XKRX: variants seen among roughly 807,000 people sequenced by gnomAD.
XKRX encodes XK related X-linked, also known as XK-related protein 2.
In XKRX, 11 loss-of-function variants were observed where a neutral mutation model predicts 22.4. The observed-to-expected ratio is 0.49, with a 90% CI of 0.31 to 0.81. The LOEUF is 0.81. Among genes scored for constraint, XKRX ranks in the 40% least tolerant of loss-of-function variants. XKRX has a pLI of 0.05. For synonymous variants in XKRX, 114 were observed against 132.2 expected (o/e 0.86, Z 0.94); for missense variants, 320 against 336.5 (o/e 0.95, Z 0.38).
chrX:100,887,610 T>G, the XKRX span: 1 of 654,101 alleles, frequency 1.5e-6, no homozygotes, highest in Non-Finnish European at 2.5e-6. Context: ...CTGGCTCTCC[T>G]CTCCTGCTAA....
At chrX:100,889,573 TG>T in the XKRX span, among the ~76,000 whole-genome samples, 1 of 110,469 alleles carries the variant, frequency 9.1e-6, no homozygotes, top group African/African-American at 3.3e-5. Flanking sequence ...AACATGCACA[TG>T]GGGAGAACAC....
chrX:100,887,593 C>T, the XKRX span: 3 of 602,699 alleles, frequency 5.0e-6, no homozygotes, highest in Admixed American at 4.8e-5. Flanking sequence ...GCTTCCCTGT[C>T]ACTTCTCTGG....
At chrX:100,932,075 G>C (rs1445704702), upstream of XKRX, among the ~76,000 whole-genome samples, 4 of 111,616 alleles carry the variant, frequency 3.6e-5, no homozygotes, top group Non-Finnish European at 5.6e-5. Context: ...GTATAGACCT[G>C]TAAAGTTCCT....
chrX:100,927,694 C>G (rs1388972433), intron 1 of XKRX, among the ~76,000 whole-genome samples: 1 of 111,597 alleles, frequency 9.0e-6, no homozygotes, highest in African/African-American at 3.3e-5. Flanking sequence ...GGCCTTCATG[C>G]ACAGGGTGAT....
the XKRX span, among the ~76,000 whole-genome samples, chrX:100,895,929 A>G: frequency 8.9e-6 from 1 of 112,053 alleles, no homozygotes; most frequent in Non-Finnish European, 1.9e-5. Flanking sequence ...GTGGCTCATA[A>G]CAAGACAAGG....
chrX:100,917,661 G>GA (rs1289044743), intron 2 of XKRX, among the ~76,000 whole-genome samples: 1,669 of 45,323 alleles, frequency 0.037, 53 homozygotes, highest in African/African-American at 0.1. Context: ...AAGAAAGAAA[G>GA]AAAGAAAGAA....
In XKRX at chrX:100,922,781, G is replaced by A. The variant is rs968337865; in HGVS notation, c.604+12C>T. The stretch of plus-strand genomic sequence containing the variant: ...TTTAACTGGAGCCCTCCCCTCTCCT[G>A]ACCCCACTCACCTCTACCCAGGGGA... On this transcript the variant is annotated intron_variant, in intron 2 of 2. Coordinates refer to ENST00000372956, the MANE Select transcript of XKRX (RefSeq NM_212559.3). 1.7e-6 allele frequency: 2 copies of A among 1,203,374 alleles called. No homozygotes were observed. Among genetic ancestry groups the A allele is most frequent in the East Asian group, 3.0e-5 (1 of 33,633 alleles).
At chrX:100,911,097 CAAAAGTATT>C (rs1487974563), downstream of XKRX, 1 of 566,422 alleles carries the variant, frequency 1.8e-6, no homozygotes, top group Non-Finnish European at 3.2e-6. Flanking sequence ...CAAGGAGAAA[CAAAAGTATT>C]AAAAGTTATT....
chrX:100,915,133 T>C, intron 2 of XKRX, 50 bp from the exon 3 acceptor site: 6 of 1,157,582 alleles, frequency 5.2e-6, no homozygotes, highest in Non-Finnish European at 6.9e-6. Context: ...TCAATGTTGG[T>C]AATGAAGGCT....
chrX:100,917,723 A>AAAGAAAGAAAGAAAGAAATAAATAAATC (rs1244436845), intron 2 of XKRX, among the ~76,000 whole-genome samples: 1 of 81,382 alleles, frequency 1.2e-5, no homozygotes, highest in Non-Finnish European at 2.8e-5. Context: ...AGAAAGAAAG[A>AAAGAAAGAAAGAAAGAAATAAATAAATC]AATCCTTGGT....
Position 100,928,133 on chromosome X carries a change from A to G in XKRX, c.172T>C (p.Tyr58His). The G allele has an allele frequency of 8.3e-6, 10 of 1,211,931 alleles. No individual in the cohort carries two copies. The highest frequency in any genetic ancestry group is 1.1e-5 in the Non-Finnish European group (10 of 895,513). Residue 58 changes from tyrosine (Y) to histidine (H), a missense_variant, in exon 1 of 3, where the codon TAT becomes CAT. Transcript: ENST00000372956. Reference protein sequence around the residue: ...AASALYMVRIYRKNSETYWMT... With the variant: ...AASALYMVRIHRKNSETYWMT... ...CAGTAAGTTTCACTATTCTTTCGATAGATTCTAACCATGTACAAAGCAGAT... is the reference window on the plus strand; with the variant it reads ...CAGTAAGTTTCACTATTCTTTCGATGGATTCTAACCATGTACAAAGCAGAT...
At chrX:100,916,077 C>CCACA (rs72334101) in intron 2 of XKRX, among the ~76,000 whole-genome samples, 23,163 of 96,812 alleles carry the variant, frequency 0.24, 2,814 homozygotes, top group East Asian at 0.51. Context: ...TTAAGTTTTA[C>CCACA]CACACACACA....
At chrX:100,927,704 T>C (rs2085503775) in intron 1 of XKRX, among the ~76,000 whole-genome samples, 1 of 111,803 alleles carries the variant, frequency 8.9e-6, no homozygotes, top group South Asian at 3.7e-4. Flanking sequence ...CACAGGGTGA[T>C]CACGTCTTGT....
chrX:100,911,993 G>A (rs957654273), downstream of XKRX, among the ~76,000 whole-genome samples: 2 of 111,689 alleles, frequency 1.8e-5, no homozygotes, highest in Admixed American at 9.5e-5. Context: ...TTTTTGCCCT[G>A]TGTAGCGTCA....
At chrX:100,921,980 C>T (rs1446497341) in intron 2 of XKRX, among the ~76,000 whole-genome samples, 3 of 108,382 alleles carry the variant, frequency 2.8e-5, no homozygotes, top group African/African-American at 6.7e-5. Context: ...ACTACAGGCG[C>T]CTGCCACCAC....
chrX:100,903,832 AAAT>A, the XKRX span, among the ~76,000 whole-genome samples: 1 of 112,424 alleles, frequency 8.9e-6, no homozygotes, highest in African/African-American at 3.2e-5. Flanking sequence ...GGAAGATATC[AAAT>A]AATAACTAAA....
At chrX:100,916,961 A>C (rs1234383482) in intron 2 of XKRX, among the ~76,000 whole-genome samples, 9 of 111,761 alleles carry the variant, frequency 8.1e-5, no homozygotes, top group Non-Finnish European at 9.4e-5. Context: ...TCCGCTAAAA[A>C]TACAAATATT....
the XKRX span, among the ~76,000 whole-genome samples, chrX:100,946,271 T>G: frequency 2.7e-5 from 3 of 111,341 alleles, no homozygotes; most frequent in East Asian, 8.4e-4. Context: ...TTCCATGAAC[T>G]GTCACTCTCA....
intron 2 of XKRX, among the ~76,000 whole-genome samples, chrX:100,917,407 C>G (rs1020347117): frequency 1.8e-5 from 2 of 108,921 alleles, no homozygotes; most frequent in Non-Finnish European, 3.8e-5. Flanking sequence ...CACCTGAGGT[C>G]AGGAGTTCAA....
Sources: allele counts gnomAD v4.1 joint callset (sites outside exome capture counted in the v4.1 genomes callset), GRCh38; gene constraint gnomAD v4.1.1; transcripts MANE v1.5; gene names NCBI Gene and HGNC (gene_info 2026-07-23, HGNC 2026-07-21).